Variants in CBX7 observed in about 807,000 individuals in gnomAD.
CBX7 encodes the protein chromobox 7.
In CBX7, 14 loss-of-function variants were observed where a neutral mutation model predicts 31.4. That is an observed-to-expected ratio of 0.45 (90% confidence interval 0.29 to 0.70). The LOEUF (loss-of-function observed/expected upper bound fraction) is 0.70, where lower values mean the gene tolerates loss of function less well. CBX7 is among the 30% of genes least tolerant of loss of function. The probability of loss-of-function intolerance (pLI) is 0.11; values close to 1 mark genes in which losing one functional copy is unlikely to be tolerated. For missense variants in CBX7, 269 were observed against 351.9 expected, an observed-to-expected ratio of 0.76 and a Z score of 1.89; for synonymous variants, 159 against 152.6, an observed-to-expected ratio of 1.04 and a Z score of -0.31.
rs954924387 is a variant in CBX7, at chr22:39,134,634, G to A, written c.365C>T (p.Ala122Val). 1 of 1,583,760 alleles carries A rather than the reference G, an allele frequency of 6.3e-7. No homozygotes were observed. The highest frequency in any genetic ancestry group is 8.6e-7 in the Non-Finnish European group (1 of 1,164,702). The change falls in exon 5 of 6, where the codon GCA becomes GTA. Residue 122 changes from alanine to valine, a missense_variant. By Grantham distance (64) the Ala-to-Val change is moderately conservative. This residue lies in a region of CBX7 where 222 missense variants were observed against 240.4 expected (regional missense o/e 0.92). Coordinates refer to ENST00000216133, the MANE Select transcript of CBX7 (RefSeq NM_175709.5). The stretch of plus-strand genomic sequence containing the variant: ...GGGGCCCTTGTCCACCAGCTCAGGT[G>A]CCCCCGCCTTGACCACCCCCTCAGG... ...GSPEGVVKAGAPELVDKGPLV... is the reference protein window; with the variant it reads ...GSPEGVVKAGVPELVDKGPLV...
intron 5 of CBX7, 135 bp from the exon 6 acceptor site, chr22:39,134,183 C>A (rs577783574): frequency 1.4e-5 from 14 of 1,007,698 alleles, no homozygotes; most frequent in Non-Finnish European, 2.0e-5. Flanking sequence ...GGGCTGGACA[C>A]TTGGGAGGAG....
chr22:39,144,609 A>AC (rs1053523180), intron 2 of CBX7, among the ~76,000 whole-genome samples: 1 of 151,992 alleles, frequency 6.6e-6, no homozygotes, highest in Non-Finnish European at 1.5e-5. Flanking sequence ...AGACACTCTA[A>AC]CCCTTCCTCC....
chr22:39,145,327 G>A (rs2146366426), intron 2 of CBX7, among the ~76,000 whole-genome samples: 1 of 152,256 alleles, frequency 6.6e-6, no homozygotes, highest in Admixed American at 6.5e-5. Flanking sequence ...AGGCGCCAAG[G>A]GGAACGCGCT....
chr22:39,144,372 T>C (rs947714584), intron 2 of CBX7, among the ~76,000 whole-genome samples: 21 of 152,048 alleles, frequency 1.4e-4, no homozygotes, highest in Non-Finnish European at 2.5e-4. Flanking sequence ...TTCCCTGACA[T>C]CCCTCCCAGG....
intron 2 of CBX7, among the ~76,000 whole-genome samples, chr22:39,145,779 CA>C (rs1930636473): frequency 6.6e-6 from 1 of 151,326 alleles, no homozygotes; most frequent in Non-Finnish European, 1.5e-5. Flanking sequence ...TAAACACGGC[CA>C]CGTGACCTCC....
chr22:39,142,777 C>T (rs1477025955), intron 2 of CBX7, among the ~76,000 whole-genome samples: 1 of 152,028 alleles, frequency 6.6e-6, no homozygotes, highest in Non-Finnish European at 1.5e-5. Context: ...AGTCAAGTGC[C>T]GAATAACATT....
At chr22:39,150,830 C>T (rs1930824089) in intron 1 of CBX7, among the ~76,000 whole-genome samples, 4 of 152,196 alleles carry the variant, frequency 2.6e-5, no homozygotes, top group Admixed American at 2.0e-4. Context: ...CACGCCAGAA[C>T]TTTAAGACCA....
rs763157485 is a variant in CBX7 at position 39,134,011 on chromosome 22, T to C, written c.636A>G (p.Thr212=). Residue 212 remains threonine (T), a synonymous_variant, in exon 6 of 6, where the codon ACA becomes ACG. Transcript: ENST00000216133. ...ADLAEGPPPW[T]PALPSSEVTV... The stretch of plus-strand genomic sequence containing the variant: ...TCACCTCACTTGAGGGGAGCGCAGG[T>C]GTCCAGGGAGGGGGCCCCTCGGCCA... The C allele has an allele frequency of 6.2e-7, 1 of 1,609,808 alleles. No homozygotes were observed. The highest frequency in any genetic ancestry group is 1.3e-5 in the African/African-American group (1 of 74,738).
At chr22:39,150,637 G>A (rs1930817830) in intron 1 of CBX7, among the ~76,000 whole-genome samples, 1 of 152,178 alleles carries the variant, frequency 6.6e-6, no homozygotes, top group Non-Finnish European at 1.5e-5. Flanking sequence ...GGGCATGGTG[G>A]CACTTGTCTG....
chr22:39,150,392 G>C (rs1362380538), intron 1 of CBX7, among the ~76,000 whole-genome samples: 7 of 152,164 alleles, frequency 4.6e-5, no homozygotes, highest in Non-Finnish European at 8.8e-5. Flanking sequence ...CCCCATGGAA[G>C]ACTGGCAAAG....
Position 39,131,421 on chromosome 22 carries a change from G to A in CBX7, c.*2470C>T, listed in dbSNP as rs1001384098. On this transcript the variant is annotated 3_prime_UTR_variant, in exon 6 of 6. Coordinates refer to ENST00000216133, the MANE Select transcript of CBX7 (RefSeq NM_175709.5). ...TGCTCTACTGGGCCACTCTGGGCTG[G>A]AAGGAGGCCTGCACGGCCACAGCCG... The A allele has an allele frequency of 6.5e-6, 1 of 152,868 alleles. No individual in the cohort carries two copies. The highest frequency in any genetic ancestry group is 1.5e-5 in the Non-Finnish European group (1 of 68,250). 9.5% of individuals were successfully genotyped at this position (152,868 alleles called of 1,614,324 possible). A position where few individuals can be genotyped will look rare whatever the true frequency, so the allele number is the denominator to read the frequency against.
In CBX7 at chr22:39,133,628, G is replaced by T. The variant is rs374848687; in HGVS notation, c.*263C>A. The T allele has an allele frequency of 1.7e-5, 6 of 343,944 alleles. No homozygotes were observed. Among genetic ancestry groups the T allele is most frequent in the Non-Finnish European group, 2.6e-5 (5 of 189,202 alleles). The allele number at this position is 343,944 out of a possible 1,614,324, so 21.3% of individuals were successfully genotyped here. ...AGGAGAATGATAATGGTGGTGTCCC[G>T]GGCAGGTGATCCTGTCCCCATCCTG... On this transcript the variant is annotated 3_prime_UTR_variant, in exon 6 of 6. Transcript: ENST00000216133.
intron 3 of CBX7, among the ~76,000 whole-genome samples, chr22:39,140,829 G>A (rs1214073923): frequency 1.3e-5 from 2 of 151,998 alleles, no homozygotes; most frequent in Non-Finnish European, 2.9e-5. Flanking sequence ...TGGGCCACTT[G>A]GACAGGAGGT....
intron 3 of CBX7, 145 bp from the exon 4 acceptor site, chr22:39,138,847 G>C (rs992410925): frequency 2.7e-6 from 2 of 733,996 alleles, no homozygotes; most frequent in African/African-American, 3.5e-5. Context: ...CCCATTGCCT[G>C]GCTGGGGCCA....
At position 39,149,909 on chromosome 22, in the gene CBX7, A is replaced by G. The variant is rs1471736716; in HGVS notation, c.70-77T>C. ...CACTCGGAAGGACAGTTAAGGCCCA[A>G]AGGAGCCCAGCTCCAAATCCCATCT... On this transcript the variant is annotated intron_variant, in intron 1 of 5. Coordinates refer to ENST00000216133, the MANE Select transcript of CBX7 (RefSeq NM_175709.5). 10 of 1,158,888 alleles carry G rather than the reference A, an allele frequency of 8.6e-6. No individual in the cohort carries two copies. The Admixed American group carries it at 1.7e-4, about 20-fold the overall frequency. 71.8% of individuals were successfully genotyped at this position (1,158,888 alleles called of 1,614,324 possible).
chr22:39,150,021 T>A (rs1044479982), intron 1 of CBX7, among the ~76,000 whole-genome samples, 189 bp from the exon 2 acceptor site: 4 of 152,138 alleles, frequency 2.6e-5, no homozygotes, highest in African/African-American at 9.7e-5. Flanking sequence ...GACTGCTGCA[T>A]GCCCGCCCCA....
intron 4 of CBX7, among the ~76,000 whole-genome samples, chr22:39,137,109 C>T (rs920352470): frequency 6.6e-6 from 1 of 152,156 alleles, no homozygotes; most frequent in African/African-American, 2.4e-5. Context: ...AAGAGGCTTA[C>T]CTACAACCAC....
At chr22:39,150,102 CCCAGGG>C (rs1428164879) in intron 1 of CBX7, among the ~76,000 whole-genome samples, 8 of 152,236 alleles carry the variant, frequency 5.3e-5, no homozygotes, top group African/African-American at 1.9e-4. Context: ...GAGGCCCAAG[CCCAGGG>C]CTCATGTCAC....
intron 4 of CBX7, among the ~76,000 whole-genome samples, chr22:39,137,983 C>T (rs1245451063): frequency 6.6e-6 from 1 of 152,014 alleles, no homozygotes; most frequent in Non-Finnish European, 1.5e-5. Context: ...AGATCGAGAC[C>T]ATCCTGGCCA....
Sources: allele counts gnomAD v4.1 joint callset (sites outside exome capture counted in the v4.1 genomes callset), GRCh38; gene constraint gnomAD v4.1.1; regional missense constraint gnomAD v4.1.1; transcripts MANE v1.5; gene names NCBI Gene and HGNC (gene_info 2026-07-23, HGNC 2026-07-21).